Variants in TRPC1 observed in about 807,000 individuals in gnomAD.
The protein encoded by TRPC1 is short transient receptor potential channel 1.
A neutral mutation model predicts 88.2 loss-of-function variants in TRPC1; 42 were observed. The ratio of observed to expected loss-of-function variants is 0.48; its 90% CI spans 0.37 to 0.62. The LOEUF is 0.62. TRPC1 is among the 20% of genes least tolerant of loss of function. The probability of loss-of-function intolerance (pLI) is 0.00; values close to 1 mark genes in which losing one functional copy is unlikely to be tolerated. For missense variants in TRPC1, 699 were observed against 957.3 expected (o/e 0.73, Z 3.56); for synonymous variants, 288 against 331.8 (o/e 0.87, Z 1.43).
At chr3:142,803,411 A>C (rs1377580762) in intron 10 of TRPC1, among the ~76,000 whole-genome samples, 1 of 152,158 alleles carries the variant, frequency 6.6e-6, no homozygotes, top group East Asian at 1.9e-4. Context: ...TCAGAGGGGG[A>C]GTTGTAGGAA....
At chr3:142,731,233 C>A (rs976282518) in intron 1 of TRPC1, among the ~76,000 whole-genome samples, 1 of 151,896 alleles carries the variant, frequency 6.6e-6, no homozygotes, top group Admixed American at 6.6e-5. Flanking sequence ...TTGGCTGAGC[C>A]GCAGAGAGGC....
intron 7 of TRPC1, among the ~76,000 whole-genome samples, chr3:142,789,833 A>G (rs1413277062): frequency 6.6e-6 from 1 of 152,144 alleles, no homozygotes; most frequent in African/African-American, 2.4e-5. Flanking sequence ...ATTTGGCAAT[A>G]TTTTTTAGCA....
intron 2 of TRPC1, 122 bp downstream of exon 2, chr3:142,736,655 GTCTC>G (rs1324168509): frequency 3.2e-6 from 3 of 945,826 alleles, no homozygotes; most frequent in Non-Finnish European, 4.4e-6. Context: ...TTCTTTCTTT[GTCTC>G]TCTTACTCTC....
At chr3:142,754,050 A>G (rs1261443500) in intron 4 of TRPC1, among the ~76,000 whole-genome samples, 1 of 140,228 alleles carries the variant, frequency 7.1e-6, no homozygotes, top group Non-Finnish European at 1.5e-5. Context: ...GCACCACCAC[A>G]CTCTACCCTA....
At position 142,791,131 on chromosome 3, in the gene TRPC1, T is replaced by A; in HGVS notation, c.1410T>A (p.Phe470Leu). Residue 470 changes from phenylalanine (F) to leucine (L), a missense_variant, in exon 8 of 13, where the codon TTT becomes TTA. Physicochemically the swap from Phe to Leu is conservative, Grantham distance 22 (BLOSUM62 0). Around this residue, in one of 4 missense-constraint regions of TRPC1, gnomAD observed 426 missense variants for 641.3 expected, o/e 0.66. Transcript: ENST00000476941. Reference sequence around the variant, plus strand: ...TGAATTCTCTTTATTTGGCAACCTTTGCCCTCAAAGTGGTTGCTCACAACA... The same window carrying A: ...TGAATTCTCTTTATTTGGCAACCTTAGCCCTCAAAGTGGTTGCTCACAACA... ...FVMNSLYLAT[F>L]ALKVVAHNKF... The A allele has an allele frequency of 6.2e-7, 1 of 1,607,874 alleles. No individual in the cohort carries two copies. Among genetic ancestry groups the A allele is most frequent in the South Asian group, 1.1e-5 (1 of 89,388 alleles).
chr3:142,734,524 G>A (rs1013296424), intron 1 of TRPC1, among the ~76,000 whole-genome samples: 1 of 152,088 alleles, frequency 6.6e-6, no homozygotes, highest in Non-Finnish European at 1.5e-5. Flanking sequence ...AAATGGGAAG[G>A]TCTAACTTAA....
At chr3:142,803,175 CTGTG>C (rs1340175923) in intron 10 of TRPC1, among the ~76,000 whole-genome samples, 1 of 152,168 alleles carries the variant, frequency 6.6e-6, no homozygotes, top group African/African-American at 2.4e-5. Flanking sequence ...AAAAGAGTGT[CTGTG>C]TGTCAGAGTT....
At chr3:142,769,601 GT>G (rs1935507305) in intron 4 of TRPC1, among the ~76,000 whole-genome samples, 1 of 152,000 alleles carries the variant, frequency 6.6e-6, no homozygotes, top group Non-Finnish European at 1.5e-5. Flanking sequence ...TTTCATCTCA[GT>G]TTTTTATTTT....
At chr3:142,783,973 C>T (rs1007235494) in intron 6 of TRPC1, among the ~76,000 whole-genome samples, 14 of 152,030 alleles carry the variant, frequency 9.2e-5, no homozygotes, top group African/African-American at 3.1e-4. Flanking sequence ...AGTTTCTGTA[C>T]CTGAACTAAA....
intron 1 of TRPC1, among the ~76,000 whole-genome samples, chr3:142,735,953 CTA>C (rs1934120417): frequency 6.6e-6 from 1 of 151,906 alleles, no homozygotes; most frequent in Admixed American, 6.6e-5. Context: ...ATTTTTAACT[CTA>C]TGTTATGTAA....
At chr3:142,803,473 G>A (rs536900765) in intron 10 of TRPC1, among the ~76,000 whole-genome samples, 36 of 152,278 alleles carry the variant, frequency 2.4e-4, no homozygotes, top group Middle Eastern at 3.4e-3. Flanking sequence ...GCCCTTGTAA[G>A]GATTTTGAGT....
rs1441314374 is a variant in TRPC1, at chr3:142,763,983, T to TATATACAC, written c.633-13648_633-13647insTATACACA. On this transcript the variant is annotated intron_variant, in intron 4 of 12. Transcript: ENST00000476941. ...AAATATATATATATATATATATATA[T>TATATACAC]ACACATACATACATACATATATATA... is the stretch of plus-strand genomic sequence containing the variant. Among the ~76,000 whole-genome samples the TATATACAC allele has an allele frequency of 2.0e-4, 15 of 74,352 alleles. 1 individual carries two copies. Among genetic ancestry groups the TATATACAC allele is most frequent in the Admixed American group, 4.7e-4 (4 of 8,522 alleles). The allele number at this position is 74,352 out of a possible 152,430, so 48.8% of individuals were successfully genotyped here.
At chr3:142,800,982 A>G (rs1188465524) in intron 9 of TRPC1, among the ~76,000 whole-genome samples, 3 of 152,074 alleles carry the variant, frequency 2.0e-5, no homozygotes. Context: ...ATAGATAAAC[A>G]TGGTTAACAA....
At chr3:142,790,335 A>G (rs1936257485) in intron 7 of TRPC1, among the ~76,000 whole-genome samples, 1 of 152,144 alleles carries the variant, frequency 6.6e-6, no homozygotes, top group African/African-American at 2.4e-5. Flanking sequence ...CATTGTAAAG[A>G]CTGGTTTTGA....
intron 1 of TRPC1, among the ~76,000 whole-genome samples, chr3:142,729,698 GCTCTAAATATCTTCTTCATTGCTAA>G (rs1357915608): frequency 4.6e-5 from 7 of 152,090 alleles, no homozygotes; most frequent in Non-Finnish European, 1.0e-4. Context: ...TGCTGCCAGT[GCTCTAAATATCTTCTTCATTGCTAA>G]CTCTTCCAAA....
intron 5 of TRPC1, among the ~76,000 whole-genome samples, 178 bp downstream of exon 5, chr3:142,777,941 C>G (rs1387281135): frequency 6.6e-6 from 1 of 152,190 alleles, no homozygotes; most frequent in Non-Finnish European, 1.5e-5. Flanking sequence ...CCTGGTGCTA[C>G]TTAAGTCATT....
At chr3:142,726,212 A>G (rs1237639354) in intron 1 of TRPC1, among the ~76,000 whole-genome samples, 1 of 152,128 alleles carries the variant, frequency 6.6e-6, no homozygotes, top group African/African-American at 2.4e-5. Context: ...TCACTGTGCA[A>G]TGGTTATTTT....
intron 1 of TRPC1, among the ~76,000 whole-genome samples, chr3:142,727,981 CTA>C (rs1933751113): frequency 1.3e-5 from 2 of 149,098 alleles, no homozygotes; most frequent in African/African-American, 5.0e-5. Flanking sequence ...TAATTTTCCT[CTA>C]AAAAAAAAAA....
intron 4 of TRPC1, among the ~76,000 whole-genome samples, chr3:142,762,822 C>T (rs918954880): frequency 6.6e-6 from 1 of 152,110 alleles, no homozygotes; most frequent in African/African-American, 2.4e-5. Flanking sequence ...ATAACCTTCC[C>T]TCTCAGTACT....
Sources: gnomAD v4.1 joint callset for allele counts (sites outside exome capture counted in the v4.1 genomes callset) on GRCh38, gnomAD v4.1.1 for gene constraint, gnomAD v4.1.1 regional missense constraint, MANE v1.5 for transcripts, NCBI Gene and HGNC (gene_info 2026-07-23, HGNC 2026-07-21) for gene names.